The following GRHL1 variants were observed in gnomAD, a reference collection of about 807,000 sequenced individuals.
GRHL1 encodes grainyhead like transcription factor 1, also known as grainyhead-like protein 1 homolog.
GRHL1 carries 38 observed loss-of-function variants against 75.7 expected under a neutral mutation model. The ratio of observed to expected loss-of-function variants is 0.50; its 90% confidence interval spans 0.39 to 0.66. GRHL1 has a LOEUF of 0.66. Among genes scored for constraint, GRHL1 ranks in the 30% least tolerant of loss-of-function variants. The probability of loss-of-function intolerance (pLI) is 0.00; values close to 1 mark genes in which losing one functional copy is unlikely to be tolerated. For synonymous variants in GRHL1, 266 were observed against 279.4 expected (o/e 0.95, Z 0.48); for missense variants, 589 against 767.5 (o/e 0.77, Z 2.75).
rs760610430 is a variant in GRHL1 at position 9,961,240 on chromosome 2, A to G, written c.473A>G (p.Lys158Arg). 1.9e-6 allele frequency: 3 copies of G among 1,614,188 alleles called. No homozygotes were observed. Among genetic ancestry groups the G allele is most frequent in the South Asian group, 2.2e-5 (2 of 91,072 alleles). The change falls in exon 4 of 16, where the codon AAG becomes AGG. Residue 158 changes from lysine (K) to arginine (R), a missense_variant. Lys to Arg is a conservative substitution (Grantham distance 26, BLOSUM62 2). Around this residue, in one of 5 missense-constraint regions of GRHL1, gnomAD observed 362 missense variants for 461.8 expected, o/e 0.78. Transcript: ENST00000324907. The stretch of plus-strand genomic sequence containing the variant: ...GCAACGATGCCTACCCACTCCATCA[A>G]GACAGAAACCCAGCCACATGGCTTC... ...SIATMPTHSIKTETQPHGFAV... is the reference protein window; with the variant it reads ...SIATMPTHSIRTETQPHGFAV...
chr2:9,993,219 G>A lies in GRHL1; in HGVS notation c.1474G>A (p.Ala492Thr), dbSNP rs1421305080. ...LQRGTHVLPI[A>T]SEELEGEGSV... ...CCTTTGGTCTTAGGTCCTTCCCATT[G>A]CCTCTGAAGAATTGGAGGGTGAAGG... Residue 492 changes from alanine (A) to threonine (T), a missense_variant, in exon 12 of 16, where the codon GCC (alanine) becomes ACC (threonine). By Grantham distance (58) the Ala-to-Thr change is moderately conservative. Transcript: ENST00000324907. 6.2e-7 allele frequency: 1 copy of A among 1,610,774 alleles called. No individual in the cohort carries two copies. Among genetic ancestry groups the A allele is most frequent in the Admixed American group, 1.7e-5 (1 of 60,018 alleles).
rs1216517589 is a variant in GRHL1, at chr2:9,992,206, C to A, written c.1461+60C>A. On this transcript the variant is annotated intron_variant, in intron 11 of 15. Coordinates refer to ENST00000324907, the MANE Select transcript of GRHL1 (RefSeq NM_198182.3). The surrounding 1 kb of genome is among the most constrained non-coding windows in gnomAD (Gnocchi z 4.6). ...AAGGAAGGCATGGCAAAAGGAAATT[C>A]TTTGGCATTATTCATGGGAAACAGA... is the stretch of plus-strand genomic sequence containing the variant. The A allele has an allele frequency of 4.5e-6, 7 of 1,538,888 alleles. No individual in the cohort carries two copies. The highest frequency in any genetic ancestry group is 2.4e-5 in the South Asian group (2 of 85,080).
At chr2:9,964,155 T>C in intron 6 of GRHL1, 80 bp from the exon 7 acceptor site, 1 of 1,306,966 alleles carries the variant, frequency 7.7e-7, no homozygotes. Flanking sequence ...GCCTTCACTG[T>C]AAAATATAGT....
chr2:9,986,341 A>C, intron 9 of GRHL1, 59 bp downstream of exon 9: 2 of 1,252,970 alleles, frequency 1.6e-6, no homozygotes, highest in Non-Finnish European at 2.2e-6. Flanking sequence ...GAAAAAGACC[A>C]GGGTCTCTTT....
At chr2:9,964,125 G>A (rs889210223) in intron 6 of GRHL1, 83 bp downstream of exon 6, 34 of 1,377,184 alleles carry the variant, frequency 2.5e-5, no homozygotes, top group South Asian at 1.1e-4. Context: ...CTGAATGACC[G>A]CCTGAAATTG....
chr2:9,993,059 C>G (rs1216837425), intron 11 of GRHL1, 148 bp from the exon 12 acceptor site: 1 of 706,702 alleles, frequency 1.4e-6, no homozygotes, highest in Non-Finnish European at 2.5e-6. Flanking sequence ...TTCAAGACAT[C>G]TGTAAGAATC....
intron 8 of GRHL1, among the ~76,000 whole-genome samples, chr2:9,970,626 C>A (rs1003277596): frequency 6.6e-6 from 1 of 152,192 alleles, no homozygotes; most frequent in Non-Finnish European, 1.5e-5. Flanking sequence ...CAGTCCCCGT[C>A]CATTTTTTCC....
intron 14 of GRHL1, 112 bp downstream of exon 14, chr2:9,996,513 T>A: frequency 1.3e-6 from 1 of 786,976 alleles, no homozygotes; most frequent in Non-Finnish European, 2.2e-6. Flanking sequence ...CCTTCTGGAA[T>A]CCCTGACACC....
chr2:9,955,687 A>G (rs1666981164), intron 2 of GRHL1, among the ~76,000 whole-genome samples: 2 of 152,234 alleles, frequency 1.3e-5, no homozygotes, highest in Non-Finnish European at 2.9e-5. Context: ...TTGTCCTGAT[A>G]ACACTAGCTG....
Position 9,958,772 on chromosome 2 carries a change from T to C in GRHL1, c.208-14T>C. ...GGATAAGAGCTAAATTCTTTTCATG[T>C]GTGCTAATATCAGGTTCCAAGAGAG... On this transcript the variant is annotated splice_polypyrimidine_tract_variant and intron_variant, in intron 2 of 15. Coordinates refer to ENST00000324907, the MANE Select transcript of GRHL1 (RefSeq NM_198182.3). The C allele has an allele frequency of 6.2e-7, 1 of 1,605,644 alleles. No individual in the cohort carries two copies. The highest frequency in any genetic ancestry group is 8.5e-7 in the Non-Finnish European group (1 of 1,172,386).
At chr2:9,964,169 A>G in intron 6 of GRHL1, 66 bp from the exon 7 acceptor site, 1 of 1,320,632 alleles carries the variant, frequency 7.6e-7, no homozygotes. Flanking sequence ...ATATAGTACT[A>G]AATACGTTTT....
At chr2:9,997,686 G>A (rs1183768292) in intron 14 of GRHL1, among the ~76,000 whole-genome samples, 13 of 151,976 alleles carry the variant, frequency 8.6e-5, no homozygotes, top group Non-Finnish European at 2.9e-5. Context: ...AGCCAGGCTT[G>A]GTGGCAGGCG....
At chr2:9,993,127 T>C in intron 11 of GRHL1, 80 bp from the exon 12 acceptor site, 1 of 1,033,050 alleles carries the variant, frequency 9.7e-7, no homozygotes, top group Non-Finnish European at 1.5e-6. Context: ...TTCAAAATTA[T>C]TTCCATTTTA....
chr2:9,986,002 G>T, intron 8 of GRHL1, 122 bp from the exon 9 acceptor site: 1 of 663,608 alleles, frequency 1.5e-6, no homozygotes, highest in South Asian at 3.0e-5. Context: ...TTTAAAAAAT[G>T]AGAAGCTGAG....
intron 2 of GRHL1, among the ~76,000 whole-genome samples, chr2:9,957,122 T>G (rs1219183408): frequency 6.6e-6 from 1 of 151,992 alleles, no homozygotes; most frequent in Admixed American, 6.6e-5. Flanking sequence ...TGCCTCAGCT[T>G]CCTGAGTAAC....
In GRHL1 at chr2:9,964,331, A is replaced by G; in HGVS notation, c.1000A>G (p.Arg334Gly). Residue 334 changes from arginine to glycine, a missense_variant, in exon 7 of 16, where the codon AGA (arginine) becomes GGA (glycine). Transcript: ENST00000324907. ...WHSRQHTAKQ[R>G]CIDIADYKES... is the part of the protein sequence containing the mutation. ...CTCCCGGCAGCACACCGCTAAACAA[A>G]GATGCATTGACATAGGTAAGCAGCT... is the stretch of plus-strand genomic sequence containing the variant. 1 of 1,584,168 alleles carries G rather than the reference A, an allele frequency of 6.3e-7. No homozygotes were observed. Among genetic ancestry groups the G allele is most frequent in the Non-Finnish European group, 8.7e-7 (1 of 1,153,156 alleles).
intron 14 of GRHL1, 42 bp from the exon 15 acceptor site, chr2:9,998,923 C>A: frequency 2.1e-6 from 2 of 948,542 alleles, no homozygotes; most frequent in Non-Finnish European, 3.1e-6. Context: ...TTTCTAAAGC[C>A]TTGATACAGG....
Position 9,999,049 on chromosome 2 carries a change from T to G in GRHL1, c.1742+20T>G. ...AAAGGGGTAAGCAGCCACTGCGTCC[T>G]GTGTACCTCGGAAAGTGCTGATGCC... On this transcript the variant is annotated intron_variant, in intron 15 of 15. Coordinates refer to ENST00000324907, the MANE Select transcript of GRHL1 (RefSeq NM_198182.3). The G allele has an allele frequency of 6.9e-7, 1 of 1,452,582 alleles. No individual in the cohort carries two copies. The highest frequency in any genetic ancestry group is 1.8e-4 in the Middle Eastern group (1 of 5,604). 90.0% of individuals were successfully genotyped at this position (1,452,582 alleles called of 1,614,324 possible). A position where few individuals can be genotyped will look rare whatever the true frequency, so the allele number is the denominator to read the frequency against.
chr2:9,975,676 G>A (rs1667918305), intron 8 of GRHL1, among the ~76,000 whole-genome samples: 1 of 151,402 alleles, frequency 6.6e-6, no homozygotes, highest in Admixed American at 6.6e-5. Context: ...TCAGGAGTTC[G>A]AGACCAGCCT....
Sources: allele counts gnomAD v4.1 joint callset (sites outside exome capture counted in the v4.1 genomes callset), GRCh38; gene constraint gnomAD v4.1.1; regional missense constraint gnomAD v4.1.1; non-coding constraint Gnocchi (gnomAD v3.1); transcripts MANE v1.5; gene names NCBI Gene and HGNC (gene_info 2026-07-23, HGNC 2026-07-21).